RBMS3: variants seen among roughly 807,000 people sequenced by gnomAD.
RBMS3 encodes RNA binding motif single stranded interacting protein 3.
RBMS3 carries 27 observed loss-of-function variants against 66.8 expected under a neutral mutation model. The observed-to-expected ratio is 0.40, with a 90% CI of 0.30 to 0.56. The LOEUF (loss-of-function observed/expected upper bound fraction) is 0.56. RBMS3 is among the 20% of genes least tolerant of loss of function. The pLI is 0.40. For synonymous variants in RBMS3, 188 were observed against 183.0 expected (o/e 1.03, Z -0.22); for missense variants, 513 against 549.5 (o/e 0.93, Z 0.66).
intron 1 of RBMS3, among the ~76,000 whole-genome samples, chr3:29,375,064 C>G (rs761985775): frequency 4.6e-5 from 7 of 152,202 alleles, no homozygotes; most frequent in Non-Finnish European, 1.0e-4. Flanking sequence ...TGCACACCTA[C>G]AACCATCTGA....
At chr3:29,903,987 T>G (rs533845575) in intron 10 of RBMS3, among the ~76,000 whole-genome samples, 1 of 152,096 alleles carries the variant, frequency 6.6e-6, no homozygotes, top group East Asian at 1.9e-4. Context: ...ATTTGGTCAT[T>G]CTTTGCCCTT....
At chr3:29,980,068 C>T (rs145123764) in intron 12 of RBMS3, among the ~76,000 whole-genome samples, 1 of 152,302 alleles carries the variant, frequency 6.6e-6, no homozygotes, top group African/African-American at 2.4e-5. Flanking sequence ...TAAAGTGTTC[C>T]TATTTCTCCA....
intron 4 of RBMS3, among the ~76,000 whole-genome samples, chr3:29,713,911 C>G (rs973469715): frequency 1.3e-5 from 2 of 152,014 alleles, no homozygotes; most frequent in African/African-American, 4.8e-5. Context: ...AAAACTTAGC[C>G]AGGCATGGTG....
chr3:29,907,901 A>T (rs1336279343), intron 10 of RBMS3, among the ~76,000 whole-genome samples: 1 of 151,982 alleles, frequency 6.6e-6, no homozygotes, highest in East Asian at 1.9e-4. Flanking sequence ...ATAATCTATT[A>T]CTCCAGTCAG....
At chr3:29,524,415 ATTTTTT>A (rs1222102515) in intron 3 of RBMS3, among the ~76,000 whole-genome samples, 2 of 57,074 alleles carry the variant, frequency 3.5e-5, no homozygotes, top group African/African-American at 7.3e-5. Context: ...CTCCCTTTAC[ATTTTTT>A]TTTTTTTTTT....
intron 3 of RBMS3, among the ~76,000 whole-genome samples, chr3:29,565,008 C>T (rs1028652208): frequency 1.3e-5 from 2 of 152,112 alleles, no homozygotes; most frequent in African/African-American, 4.8e-5. Context: ...TCATCCTTTC[C>T]TTTCTCCTAA....
intron 7 of RBMS3, among the ~76,000 whole-genome samples, chr3:29,872,190 CTCT>C (rs2059507453): frequency 6.6e-6 from 1 of 151,946 alleles, no homozygotes; most frequent in Non-Finnish European, 1.5e-5. Context: ...TCCCTTTATA[CTCT>C]TAAAAATTAT....
intron 14 of RBMS3, among the ~76,000 whole-genome samples, chr3:29,998,799 C>A (rs1350438091): frequency 6.6e-6 from 1 of 152,134 alleles, no homozygotes; most frequent in East Asian, 1.9e-4. Flanking sequence ...AAATGTTAGA[C>A]CTAAAACCAT....
chr3:29,441,844 C>G (rs534205617), intron 2 of RBMS3, among the ~76,000 whole-genome samples: 1 of 152,162 alleles, frequency 6.6e-6, no homozygotes, highest in Non-Finnish European at 1.5e-5. Context: ...ATTTAATCCC[C>G]TGTTTTAGCT....
chr3:29,707,467 C>T (rs1329941184), intron 4 of RBMS3, among the ~76,000 whole-genome samples: 1 of 152,140 alleles, frequency 6.6e-6, no homozygotes, highest in African/African-American at 2.4e-5. Context: ...AAATACGGTT[C>T]CATGTTAACA....
chr3:29,549,557 G>A (rs575397710), intron 3 of RBMS3, among the ~76,000 whole-genome samples: 160 of 151,902 alleles, frequency 1.1e-3, no homozygotes, highest in African/African-American at 3.4e-3. Flanking sequence ...CCACCACCAT[G>A]TCCAGCTAAT....
intron 4 of RBMS3, among the ~76,000 whole-genome samples, chr3:29,713,047 T>A (rs180878288): frequency 6.8e-4 from 103 of 152,198 alleles, no homozygotes; most frequent in African/African-American, 2.4e-3. Flanking sequence ...TGTGAGGATG[T>A]GATTTTGGTA....
chr3:29,890,366 C>T (rs1308522601), intron 8 of RBMS3, among the ~76,000 whole-genome samples: 1 of 151,600 alleles, frequency 6.6e-6, no homozygotes, highest in Admixed American at 6.6e-5. Context: ...TATTATTCCT[C>T]ATTCGCATTG....
chr3:29,822,509 A>C (rs1449249963), intron 6 of RBMS3, among the ~76,000 whole-genome samples: 2 of 152,172 alleles, frequency 1.3e-5, no homozygotes, highest in Admixed American at 6.6e-5. Flanking sequence ...TTCTTCTAGC[A>C]ATGTCAGATT....
intron 4 of RBMS3, among the ~76,000 whole-genome samples, chr3:29,631,576 C>T (rs13316525): frequency 0.078 from 11,857 of 151,894 alleles, 819 homozygotes; most frequent in East Asian, 0.35. Flanking sequence ...TGACACACCA[C>T]AGGTCAAACA....
intron 7 of RBMS3, among the ~76,000 whole-genome samples, chr3:29,876,145 G>C (rs2149564516): frequency 6.6e-6 from 1 of 152,054 alleles, no homozygotes; most frequent in South Asian, 2.1e-4. Context: ...CTGATTCTAG[G>C]CCAGTAATTT....
chr3:29,727,410 A>G (rs755738586), intron 4 of RBMS3, among the ~76,000 whole-genome samples: 31 of 152,212 alleles, frequency 2.0e-4, no homozygotes, highest in Non-Finnish European at 4.1e-4. Flanking sequence ...AAAAGAAACT[A>G]TCATCAGAGT....
chr3:29,808,150 C>T (rs146690329), intron 6 of RBMS3, among the ~76,000 whole-genome samples: 58 of 151,948 alleles, frequency 3.8e-4, no homozygotes, highest in East Asian at 1.9e-3. Context: ...CAGGATCACA[C>T]GCTACTTGGG....
At chr3:29,758,752 T>C (rs2055534288) in intron 5 of RBMS3, among the ~76,000 whole-genome samples, 1 of 152,184 alleles carries the variant, frequency 6.6e-6, no homozygotes, top group African/African-American at 2.4e-5. Flanking sequence ...GGAAATGACA[T>C]AATTTGTTTT....
Sources: allele counts gnomAD v4.1 joint callset (sites outside exome capture counted in the v4.1 genomes callset), GRCh38; gene constraint gnomAD v4.1.1; transcripts MANE v1.5; gene names NCBI Gene and HGNC (gene_info 2026-07-23, HGNC 2026-07-21).